Variants in KLHL29 observed in about 807,000 individuals in gnomAD.
KLHL29 encodes kelch-like protein 29.
In KLHL29, 21 loss-of-function variants were observed where a neutral mutation model predicts 80.4. That is an observed-to-expected ratio of 0.26 (90% CI 0.19 to 0.38). The LOEUF is 0.38. Among genes scored for constraint, KLHL29 ranks in the 10% least tolerant of loss-of-function variants. KLHL29 has a pLI of 1.00. For missense variants in KLHL29, 867 were observed against 1,223.9 expected (o/e 0.71, Z 4.35); for synonymous variants, 511 against 526.8 (o/e 0.97, Z 0.41).
At chr2:23,616,634 C>G (rs1046187299) in intron 3 of KLHL29, 1 of 152,202 alleles carries the variant, frequency 6.6e-6, no homozygotes. Context: ...TTGCCAGAAC[C>G]TGGGGTCATG....
In KLHL29 at chr2:23,682,820, C is replaced by T. The variant is rs961941465; in HGVS notation, c.941-1579C>T. ...TGAAGTCCCAGCCAGAGCCCCCTTC[C>T]GCACCCCTGGAGATGCTCTGCTGTG... On this transcript the variant is annotated intron_variant, in intron 5 of 13. Coordinates refer to ENST00000486442, the MANE Select transcript of KLHL29 (RefSeq NM_052920.2). This position sits in a 1 kb window ranked among gnomAD's most constrained non-coding sequence, Gnocchi z 4.1. 3.3e-5 allele frequency among the ~76,000 whole-genome samples: 5 copies of T among 152,196 alleles called. No individual in the cohort carries two copies. The highest frequency in any genetic ancestry group is 4.1e-4 in the South Asian group (2 of 4,820).
At chr2:23,597,735 G>A (rs535312235) in intron 3 of KLHL29, among the ~76,000 whole-genome samples, 52 of 152,110 alleles carry the variant, frequency 3.4e-4, no homozygotes, top group Admixed American at 7.2e-4. Context: ...CTGTTCACCC[G>A]TCTCTAAAAT....
intron 3 of KLHL29, among the ~76,000 whole-genome samples, chr2:23,610,401 A>ACATT (rs1331998800): frequency 6.6e-6 from 1 of 152,168 alleles, no homozygotes; most frequent in Non-Finnish European, 1.5e-5. Context: ...AGTTTCATGG[A>ACATT]CATTTTCTTC....
rs1329412756 is a variant in KLHL29 at position 23,452,191 on chromosome 2, C to T, written c.-153-23369C>T. Among the ~76,000 whole-genome samples, 6 of 140,556 alleles carry T rather than the reference C, an allele frequency of 4.3e-5. No individual in the cohort carries two copies. The East Asian group carries it at 8.3e-4, about 19-fold the overall frequency. 92.2% of individuals were successfully genotyped at this position (140,556 alleles called of 152,430 possible). On this transcript the variant is annotated intron_variant, in intron 1 of 13. Transcript: ENST00000486442. ...CGTGCCCAGAAAAAAAAATTTTTTT[C>T]TTTTTTTTTTTTTAGAGATGGGGTC...
At chr2:23,406,528 C>T (rs1397272846) in intron 1 of KLHL29, among the ~76,000 whole-genome samples, 1 of 152,128 alleles carries the variant, frequency 6.6e-6, no homozygotes, top group Non-Finnish European at 1.5e-5. Flanking sequence ...TCTTAAACAT[C>T]ACTTCCGGAT....
Position 23,596,781 on chromosome 2 carries a change from A to G in KLHL29, c.285+34300A>G, listed in dbSNP as rs929542308. 2.0e-5 allele frequency among the ~76,000 whole-genome samples: 3 copies of G among 152,176 alleles called. No individual in the cohort carries two copies. The highest frequency in any genetic ancestry group is 6.5e-5 in the Admixed American group (1 of 15,276). On this transcript the variant is annotated intron_variant, in intron 3 of 13. Transcript: ENST00000486442. The surrounding 1 kb of genome is among the most constrained non-coding windows in gnomAD (Gnocchi z 4.4). ...CGAAATTATTTTCTTCATCTCAGAAACAGGTTCCCCCAGGAGGACATAAAT... is the reference window on the plus strand; with the variant it reads ...CGAAATTATTTTCTTCATCTCAGAAGCAGGTTCCCCCAGGAGGACATAAAT...
intron 2 of KLHL29, among the ~76,000 whole-genome samples, chr2:23,504,710 T>C (rs1665550165): frequency 6.6e-6 from 1 of 152,356 alleles, no homozygotes; most frequent in Non-Finnish European, 1.5e-5. Flanking sequence ...TGGGCTTGGA[T>C]TGGACTCAGT....
At chr2:23,602,174 G>A (rs17045693) in intron 3 of KLHL29, among the ~76,000 whole-genome samples, 31,103 of 152,184 alleles carry the variant, frequency 0.2, 3,656 homozygotes, top group East Asian at 0.58. Flanking sequence ...CAGCCAGAGT[G>A]TAGGGCCTTT....
rs1265318098 is a variant in KLHL29 at position 23,642,947 on chromosome 2, G to T, written c.940+97G>T. On this transcript the variant is annotated intron_variant, in intron 5 of 13. Transcript: ENST00000486442. Reference sequence around the variant, plus strand: ...CCGGGACAGGGGGTGCTTCATGCCAGCTCCTTCACTGGCCTCCCCAACCCA... The same window carrying T: ...CCGGGACAGGGGGTGCTTCATGCCATCTCCTTCACTGGCCTCCCCAACCCA... 7 of 1,402,048 alleles carry T rather than the reference G, an allele frequency of 5.0e-6. No homozygotes were observed. In the Admixed American group the frequency reaches 5.9e-5, roughly 12 times the overall value. The allele number at this position is 1,402,048 out of a possible 1,614,324, so 86.9% of individuals were successfully genotyped here.
rs1044625029 is a variant in KLHL29 at position 23,700,324 on chromosome 2, A to G, written c.2106-2862A>G. On this transcript the variant is annotated intron_variant, in intron 11 of 13. Coordinates refer to ENST00000486442, the MANE Select transcript of KLHL29 (RefSeq NM_052920.2). This position sits in a 1 kb window ranked among gnomAD's most constrained non-coding sequence, Gnocchi z 4.6. ...AAATTTAACAATTTTTAATTATTAAAAATTATATACACATATTAAAAACAA... is the reference window on the plus strand; with the variant it reads ...AAATTTAACAATTTTTAATTATTAAGAATTATATACACATATTAAAAACAA... Among the ~76,000 whole-genome samples the G allele has an allele frequency of 6.6e-6, 1 of 152,228 alleles. No homozygotes were observed. Among genetic ancestry groups the G allele is most frequent in the Non-Finnish European group, 1.5e-5 (1 of 68,038 alleles).
chr2:23,477,420 A>G (rs910096671), intron 2 of KLHL29, among the ~76,000 whole-genome samples: 2 of 152,270 alleles, frequency 1.3e-5, no homozygotes, highest in African/African-American at 4.8e-5. Context: ...ATCTCAGGCT[A>G]GGCGCAGCCT....
intron 2 of KLHL29, among the ~76,000 whole-genome samples, chr2:23,520,998 C>CT (rs201296954): frequency 1.3e-5 from 2 of 151,498 alleles, no homozygotes; most frequent in African/African-American, 2.4e-5. Context: ...GACCACCCCC[C>CT]CCCCCGCTCC....
chr2:23,598,337 G>C (rs1469712964), intron 3 of KLHL29, among the ~76,000 whole-genome samples: 1 of 152,206 alleles, frequency 6.6e-6, no homozygotes. Flanking sequence ...GTTGAAGTCA[G>C]GTCCCACTGA....
intron 3 of KLHL29, among the ~76,000 whole-genome samples, chr2:23,571,822 C>T (rs944532021): frequency 6.6e-6 from 1 of 152,034 alleles, no homozygotes; most frequent in Non-Finnish European, 1.5e-5. Flanking sequence ...TTGCTCTAGG[C>T]TTCTTGTGTG....
At chr2:23,588,930 T>C (rs1668184242) in intron 3 of KLHL29, among the ~76,000 whole-genome samples, 1 of 152,190 alleles carries the variant, frequency 6.6e-6, no homozygotes, top group Non-Finnish European at 1.5e-5. Flanking sequence ...TACCCAAAGA[T>C]TGATGATTTC....
intron 11 of KLHL29, among the ~76,000 whole-genome samples, 195 bp from the exon 12 acceptor site, chr2:23,702,991 G>A (rs374368229): frequency 7.2e-5 from 11 of 152,238 alleles, no homozygotes; most frequent in African/African-American, 2.4e-4. Flanking sequence ...GAGGAAGGCC[G>A]AGAGGGCTAG....
At chr2:23,675,179 C>T (rs1030553538) in intron 5 of KLHL29, among the ~76,000 whole-genome samples, 9 of 152,204 alleles carry the variant, frequency 5.9e-5, no homozygotes, top group Non-Finnish European at 1.2e-4. Flanking sequence ...CATCACCCCT[C>T]GGCCTCCATC....
intron 2 of KLHL29, among the ~76,000 whole-genome samples, chr2:23,477,207 C>T (rs559664672): frequency 8.9e-4 from 136 of 152,380 alleles, no homozygotes; most frequent in African/African-American, 3.1e-3. Context: ...GCCTTCTGAC[C>T]GGTGGCCTCC....
chr2:23,588,693 A>G (rs537292643), intron 3 of KLHL29, among the ~76,000 whole-genome samples: 3 of 152,176 alleles, frequency 2.0e-5, no homozygotes, highest in Non-Finnish European at 2.9e-5. Flanking sequence ...ATTTTTAACA[A>G]TCTCCCTCGG....
Sources: allele counts gnomAD v4.1 joint callset (sites outside exome capture counted in the v4.1 genomes callset), GRCh38; gene constraint gnomAD v4.1.1; non-coding constraint Gnocchi (gnomAD v3.1); transcripts MANE v1.5; gene names NCBI Gene and HGNC (gene_info 2026-07-23, HGNC 2026-07-21).